Variants in PIWIL2 observed in about 807,000 individuals in gnomAD.
The protein encoded by PIWIL2 is piwi like RNA-mediated gene silencing 2.
PIWIL2 carries 81 observed loss-of-function variants against 116.5 expected under a neutral mutation model. The observed-to-expected ratio is 0.70, with a 90% CI of 0.58 to 0.84. The LOEUF is 0.84. Ranked by LOEUF, PIWIL2 falls within the 40% of genes least tolerant of loss-of-function variation. The probability of loss-of-function intolerance (pLI) is 0.00; values close to 1 mark genes in which losing one functional copy is unlikely to be tolerated. For synonymous variants in PIWIL2, 489 were observed against 429.5 expected, an observed-to-expected ratio of 1.14 and a Z score of -1.71; for missense variants, 1,272 against 1,212.3, an observed-to-expected ratio of 1.05 and a Z score of -0.73.
At chr8:22,333,744 A>T (rs1452103204) in intron 20 of PIWIL2, among the ~76,000 whole-genome samples, 1 of 152,048 alleles carries the variant, frequency 6.6e-6, no homozygotes, top group East Asian at 1.9e-4. Context: ...GGATAGGGTG[A>T]TAATTACTCA....
At chr8:22,352,758 C>G (rs552635975) in intron 20 of PIWIL2, 20 of 504,504 alleles carry the variant, frequency 4.0e-5, no homozygotes, top group African/African-American at 3.6e-4. Context: ...CTTTGCTGCA[C>G]CAGGCGTGTT....
chr8:22,337,232 A>T (rs1044069188), intron 20 of PIWIL2, among the ~76,000 whole-genome samples: 16 of 152,154 alleles, frequency 1.1e-4, no homozygotes, highest in Admixed American at 2.0e-4. Context: ...AACAATGAAA[A>T]GAACTTACAT....
intron 20 of PIWIL2, among the ~76,000 whole-genome samples, chr8:22,337,168 A>G (rs1831998804): frequency 6.6e-6 from 1 of 152,198 alleles, no homozygotes; most frequent in Non-Finnish European, 1.5e-5. Flanking sequence ...TACCAAAGCC[A>G]AACAAAGCCA....
intron 20 of PIWIL2, among the ~76,000 whole-genome samples, chr8:22,323,535 AT>A (rs913771345): frequency 6.6e-6 from 1 of 151,952 alleles, no homozygotes; most frequent in African/African-American, 2.4e-5. Flanking sequence ...CAGCCCAGTC[AT>A]TTTTTTTAAA....
intron 1 of PIWIL2, among the ~76,000 whole-genome samples, chr8:22,278,451 T>G (rs1375368074): frequency 6.6e-6 from 1 of 151,864 alleles, no homozygotes; most frequent in Admixed American, 6.6e-5. Context: ...GCCCAGGAGG[T>G]CAAGGCTGCA....
chr8:22,294,558 G>A (rs1351729999), intron 10 of PIWIL2, among the ~76,000 whole-genome samples: 55 of 143,428 alleles, frequency 3.8e-4, no homozygotes, highest in South Asian at 9.1e-4. Context: ...GGAGATTGGC[G>A]TGAACCCAGG....
intron 13 of PIWIL2, 134 bp downstream of exon 13, chr8:22,306,150 C>T (rs1296744234): frequency 7.8e-6 from 5 of 642,080 alleles, no homozygotes; most frequent in Non-Finnish European, 1.4e-5. Flanking sequence ...GTCCATTCTT[C>T]CAGCCTCCAG....
intron 20 of PIWIL2, among the ~76,000 whole-genome samples, chr8:22,348,666 A>G (rs1832282922): frequency 6.6e-6 from 1 of 152,284 alleles, no homozygotes; most frequent in Middle Eastern, 3.4e-3. Context: ...AGCTATGCTT[A>G]TAGTCCCAGC....
At chr8:22,346,479 T>C (rs1832229599) in intron 20 of PIWIL2, among the ~76,000 whole-genome samples, 1 of 152,152 alleles carries the variant, frequency 6.6e-6, no homozygotes, top group Admixed American at 6.5e-5. Flanking sequence ...TTTGCCCAGC[T>C]TTTCCAGTTG....
In PIWIL2 at chr8:22,279,913, C is replaced by T. The variant is rs141726429; in HGVS notation, c.198+329C>T. Among the ~76,000 whole-genome samples the T allele has an allele frequency of 4.3e-3, 653 of 152,244 alleles. 5 individuals carry two copies. The highest frequency in any genetic ancestry group is 0.015 in the African/African-American group (624 of 41,532). On this transcript the variant is annotated intron_variant, in intron 2 of 22. Transcript: ENST00000356766. ...CGGAGGTTGCGGTGAGCTGAGATCTCGCCAGTGCACTCCAGCCTGGGCAAC... is the reference window on the plus strand; with the variant it reads ...CGGAGGTTGCGGTGAGCTGAGATCTTGCCAGTGCACTCCAGCCTGGGCAAC...
At chr8:22,304,425 A>G (rs1405458482) in intron 11 of PIWIL2, among the ~76,000 whole-genome samples, 8 of 152,246 alleles carry the variant, frequency 5.3e-5, no homozygotes, top group Admixed American at 3.9e-4. Context: ...GGAAGTTACT[A>G]TATAAATTAA....
In PIWIL2 at chr8:22,308,004, T is replaced by C; in HGVS notation, c.1617T>C (p.Ile539=). 3 of 1,613,904 alleles carry C rather than the reference T, an allele frequency of 1.9e-6. No homozygotes were observed. The highest frequency in any genetic ancestry group is 2.5e-6 in the Non-Finnish European group (3 of 1,179,956). Residue 539 remains isoleucine (I), a synonymous_variant, in exon 14 of 23, where the codon ATT becomes ATC. Coordinates refer to ENST00000356766, the MANE Select transcript of PIWIL2 (RefSeq NM_018068.5). ...CTTTGGAATGCTTGCTGCAAAGAAT[T>C]GCAAAGAACGAGGCAGCCACCAATG... ...HSALECLLQR[I]AKNEAATNEL...
At chr8:22,354,243 T>A (rs66554545) in intron 21 of PIWIL2, 28 bp from the exon 22 acceptor site, 782,143 of 1,439,694 alleles carry the variant, frequency 0.54, 220,271 homozygotes, top group East Asian at 0.83. Flanking sequence ...ATCCGACCAT[T>A]TCACTGATTT....
At chr8:22,278,179 G>C (rs911305001) in intron 1 of PIWIL2, among the ~76,000 whole-genome samples, 2 of 151,232 alleles carry the variant, frequency 1.3e-5, no homozygotes, top group African/African-American at 4.9e-5. Flanking sequence ...AAAAAAAAAG[G>C]GGGGGAGGAA....
chr8:22,294,302 C>A (rs1390303895), intron 10 of PIWIL2, among the ~76,000 whole-genome samples: 7 of 138,224 alleles, frequency 5.1e-5, no homozygotes, highest in African/African-American at 8.0e-5. Flanking sequence ...CATGCCATTA[C>A]ACTCCAGCCT....
chr8:22,302,927 C>T (rs1395375913), intron 10 of PIWIL2, among the ~76,000 whole-genome samples: 1 of 152,228 alleles, frequency 6.6e-6, no homozygotes, highest in Admixed American at 6.5e-5. Flanking sequence ...ACTTAGACAA[C>T]AAATCTAGGC....
intron 15 of PIWIL2, among the ~76,000 whole-genome samples, chr8:22,310,283 A>G (rs1831295876): frequency 6.6e-6 from 1 of 152,228 alleles, no homozygotes. Context: ...ACTTAGGGAA[A>G]GGAAATAAAT....
chr8:22,294,669 G>GA (rs1298001103), intron 10 of PIWIL2, among the ~76,000 whole-genome samples: 1 of 119,680 alleles, frequency 8.4e-6, no homozygotes, highest in African/African-American at 3.2e-5. Context: ...AAAAAAAAAA[G>GA]AAAAACATCA....
At chr8:22,293,902 C>T (rs1830824035) in intron 10 of PIWIL2, among the ~76,000 whole-genome samples, 1 of 152,144 alleles carries the variant, frequency 6.6e-6, no homozygotes, top group South Asian at 2.1e-4. Context: ...ATGTCACCCA[C>T]ATACTCTTTC....
Sources: allele counts gnomAD v4.1 joint callset (sites outside exome capture counted in the v4.1 genomes callset), GRCh38; gene constraint gnomAD v4.1.1; transcripts MANE v1.5; gene names NCBI Gene and HGNC (gene_info 2026-07-23, HGNC 2026-07-21).